The following CPQ variants were observed in gnomAD, a reference collection of about 807,000 sequenced individuals.
The protein encoded by CPQ is Ser-Met dipeptidase.
Under a neutral mutation model 45.7 loss-of-function variants are expected in CPQ, and 37 were observed. The ratio of observed to expected loss-of-function variants is 0.81; its 90% CI spans 0.62 to 1.07. The LOEUF (loss-of-function observed/expected upper bound fraction) is 1.07, where lower values mean the gene tolerates loss of function less well. Ranked by LOEUF, CPQ falls within the 50% of genes least tolerant of loss-of-function variation. CPQ has a pLI of 0.00. For missense variants in CPQ, 537 were observed against 572.9 expected (o/e 0.94, Z 0.64); for synonymous variants, 186 against 205.8 (o/e 0.90, Z 0.82).
chr8:96,873,317 C>CT (rs534200003), intron 3 of CPQ, among the ~76,000 whole-genome samples: 5,929 of 147,980 alleles, frequency 0.04, 185 homozygotes, highest in African/African-American at 0.082. Flanking sequence ...TTTTCCTTCT[C>CT]TTTTTTTTTT....
intron 2 of CPQ, among the ~76,000 whole-genome samples, chr8:96,791,712 C>T (rs1033219826): frequency 6.6e-6 from 1 of 152,136 alleles, no homozygotes; most frequent in Admixed American, 6.6e-5. Flanking sequence ...GTAAAGTTGG[C>T]GTAACAGGAT....
chr8:96,986,509 T>C (rs1808983723), intron 5 of CPQ, among the ~76,000 whole-genome samples: 1 of 152,110 alleles, frequency 6.6e-6, no homozygotes, highest in Non-Finnish European at 1.5e-5. Context: ...TCCCACTCTC[T>C]CAAACCCCAA....
At chr8:97,040,888 C>T (rs1035758608) in intron 6 of CPQ, among the ~76,000 whole-genome samples, 9 of 152,118 alleles carry the variant, frequency 5.9e-5, no homozygotes, top group Non-Finnish European at 1.0e-4. Flanking sequence ...TTACTGTAGC[C>T]TTGTAGTATA....
intron 4 of CPQ, among the ~76,000 whole-genome samples, chr8:96,965,372 CTTTTTTT>C (rs5893403): frequency 2.7e-4 from 22 of 80,574 alleles, no homozygotes; most frequent in Non-Finnish European, 5.0e-4. Flanking sequence ...AATTTCTTTT[CTTTTTTT>C]TTTTTTTTTT....
At chr8:96,909,783 A>G (rs568256120) in intron 4 of CPQ, among the ~76,000 whole-genome samples, 17 of 152,216 alleles carry the variant, frequency 1.1e-4, no homozygotes, top group Non-Finnish European at 1.5e-4. Context: ...GAACATTTAT[A>G]CAGGGAGGTG....
At chr8:96,687,290 G>A (rs2464498) in intron 1 of CPQ, among the ~76,000 whole-genome samples, 107,493 of 151,512 alleles carry the variant, frequency 0.71, 38,504 homozygotes, top group Middle Eastern at 0.82. Context: ...TTAGCTCATC[G>A]CAACCTCCGC....
chr8:96,819,714 C>CA (rs1220326167), intron 2 of CPQ, among the ~76,000 whole-genome samples: 1 of 151,988 alleles, frequency 6.6e-6, no homozygotes, highest in African/African-American at 2.4e-5. Context: ...TTGATCATCC[C>CA]AAAAAACTGT....
chr8:97,086,601 T>C (rs1414755303), intron 7 of CPQ, among the ~76,000 whole-genome samples: 1 of 152,142 alleles, frequency 6.6e-6, no homozygotes, highest in African/African-American at 2.4e-5. Flanking sequence ...CAGTGCAGCC[T>C]GATTCACCAA....
chr8:96,717,018 GATATAAATATATATATATATATAT>G (rs1467235480), intron 1 of CPQ, among the ~76,000 whole-genome samples: 6 of 79,852 alleles, frequency 7.5e-5, no homozygotes, highest in African/African-American at 3.1e-4. Flanking sequence ...AGTATTCCAT[GATATAAATATATATATATATATAT>G]ATATATATAT....
intron 5 of CPQ, among the ~76,000 whole-genome samples, chr8:96,992,701 T>A (rs1378451936): frequency 6.6e-6 from 1 of 152,164 alleles, no homozygotes; most frequent in Non-Finnish European, 1.5e-5. Context: ...TTAGTATTAA[T>A]ACTATTAATA....
chr8:96,748,037 C>T (rs1810212735), intron 1 of CPQ, among the ~76,000 whole-genome samples: 1 of 152,160 alleles, frequency 6.6e-6, no homozygotes, highest in African/African-American at 2.4e-5. Context: ...TTAAATTTGC[C>T]AGAAATCACC....
intron 5 of CPQ, among the ~76,000 whole-genome samples, chr8:97,024,521 C>T (rs576048825): frequency 8.8e-4 from 134 of 152,272 alleles, no homozygotes; most frequent in Middle Eastern, 3.4e-3. Context: ...TCAAGGTGAT[C>T]TTCTGTTCTG....
At chr8:96,657,597 A>G (rs1011495104) in intron 1 of CPQ, among the ~76,000 whole-genome samples, 6 of 152,242 alleles carry the variant, frequency 3.9e-5, no homozygotes, top group Non-Finnish European at 7.3e-5. Context: ...CTATTCTGCC[A>G]TCTTGCTGAT....
intron 2 of CPQ, among the ~76,000 whole-genome samples, chr8:96,791,871 G>C (rs1460819971): frequency 1.3e-5 from 2 of 152,136 alleles, no homozygotes; most frequent in Non-Finnish European, 2.9e-5. Flanking sequence ...TGTGAAATGA[G>C]AGATGGTTGG....
At chr8:96,872,834 T>C (rs1350611667) in intron 3 of CPQ, among the ~76,000 whole-genome samples, 1 of 151,964 alleles carries the variant, frequency 6.6e-6, no homozygotes, top group African/African-American at 2.4e-5. Context: ...TTCAATACTT[T>C]CTAGCTCACA....
rs574755601 is a variant in CPQ, at chr8:96,869,847, T to G, written c.642-9951T>G. ...TGGTAAAGTTAGCCTGAAGAAAAAC[T>G]GAAAATAAAGGTCAAAGAGGTGATT... is the stretch of plus-strand genomic sequence containing the variant. On this transcript the variant is annotated intron_variant, in intron 3 of 7. Coordinates refer to ENST00000220763, the MANE Select transcript of CPQ (RefSeq NM_016134.4). Among the ~76,000 whole-genome samples, 345 of 152,056 alleles carry G rather than the reference T, an allele frequency of 2.3e-3. 2 individuals carry two copies. The highest frequency in any genetic ancestry group is 7.8e-3 in the African/African-American group (322 of 41,494).
chr8:96,680,117 C>T (rs1395701297), intron 1 of CPQ, among the ~76,000 whole-genome samples: 1 of 152,256 alleles, frequency 6.6e-6, no homozygotes, highest in Non-Finnish European at 1.5e-5. Flanking sequence ...ATGTTGTATT[C>T]ACATCTTCAT....
intron 5 of CPQ, among the ~76,000 whole-genome samples, chr8:96,976,246 A>AC (rs746965705): frequency 1.6e-5 from 1 of 63,120 alleles, no homozygotes; most frequent in Non-Finnish European, 2.8e-5. Flanking sequence ...ACAATAGCTG[A>AC]CAAAAAAAAA....
intron 7 of CPQ, among the ~76,000 whole-genome samples, chr8:97,070,805 TAGAG>T (rs1486604141): frequency 6.6e-6 from 1 of 152,156 alleles, no homozygotes; most frequent in Non-Finnish European, 1.5e-5. Context: ...CTCCAGATAA[TAGAG>T]AGGCTTTAAA....
Sources: allele counts gnomAD v4.1 joint callset (sites outside exome capture counted in the v4.1 genomes callset), GRCh38; gene constraint gnomAD v4.1.1; transcripts MANE v1.5; gene names NCBI Gene and HGNC (gene_info 2026-07-23, HGNC 2026-07-21).